MACROD2: variants seen among roughly 807,000 people sequenced by gnomAD.
MACROD2 encodes ADP-ribose glycohydrolase MACROD2.
In MACROD2, 36 loss-of-function variants were observed where a neutral mutation model predicts 70.4. That is an observed-to-expected ratio of 0.51 (90% CI 0.39 to 0.68). The LOEUF (loss-of-function observed/expected upper bound fraction) is 0.68, where lower values mean the gene tolerates loss of function less well. Among genes scored for constraint, MACROD2 ranks in the 30% least tolerant of loss-of-function variants. The pLI, the probability that MACROD2 is intolerant of heterozygous loss-of-function variation, is 0.00. For synonymous variants in MACROD2, 172 were observed against 178.8 expected, an observed-to-expected ratio of 0.96 and a Z score of 0.30; for missense variants, 496 against 538.4, an observed-to-expected ratio of 0.92 and a Z score of 0.78.
intron 5 of MACROD2, among the ~76,000 whole-genome samples, chr20:14,784,191 G>C (rs2072335875): frequency 6.6e-6 from 1 of 152,082 alleles, no homozygotes; most frequent in African/African-American, 2.4e-5. Context: ...TTCTGCTGAT[G>C]CCATTTCCCT....
At chr20:14,117,762 T>A (rs2054533671) in intron 3 of MACROD2, among the ~76,000 whole-genome samples, 1 of 152,228 alleles carries the variant, frequency 6.6e-6, no homozygotes, top group South Asian at 2.1e-4. Flanking sequence ...ACTTGCTCTT[T>A]TTCATTTGGT....
intron 6 of MACROD2, among the ~76,000 whole-genome samples, chr20:15,266,403 G>A (rs995848361): frequency 6.6e-6 from 1 of 152,166 alleles, no homozygotes; most frequent in Non-Finnish European, 1.5e-5. Flanking sequence ...ATGAACTTGT[G>A]TTGACTACCA....
At chr20:15,254,929 C>CTTTTTTTT (rs762538763) in intron 6 of MACROD2, among the ~76,000 whole-genome samples, 1 of 80,548 alleles carries the variant, frequency 1.2e-5, no homozygotes, top group African/African-American at 4.8e-5. Flanking sequence ...CAAAGCACAC[C>CTTTTTTTT]TTTTTTTTTT....
At chr20:14,282,979 C>T (rs1356654430) in intron 3 of MACROD2, among the ~76,000 whole-genome samples, 1 of 152,142 alleles carries the variant, frequency 6.6e-6, no homozygotes, top group Non-Finnish European at 1.5e-5. Flanking sequence ...TCAGAAATCA[C>T]AGTGTCATGT....
chr20:15,602,392 C>A (rs2048834235), intron 8 of MACROD2, among the ~76,000 whole-genome samples: 1 of 152,176 alleles, frequency 6.6e-6, no homozygotes, highest in African/African-American at 2.4e-5. Flanking sequence ...GACTTCAATC[C>A]TCTGCCCAGT....
intron 8 of MACROD2, among the ~76,000 whole-genome samples, chr20:15,694,536 A>C (rs751053268): frequency 6.6e-6 from 1 of 151,792 alleles, no homozygotes; most frequent in African/African-American, 2.4e-5. Context: ...GTCTATTCAT[A>C]TTCTTAGCCC....
intron 1 of MACROD2, among the ~76,000 whole-genome samples, chr20:13,998,790 C>T (rs971836636): frequency 1.3e-5 from 2 of 151,828 alleles, no homozygotes; most frequent in Admixed American, 1.3e-4. Flanking sequence ...CCCGTCTTTA[C>T]TAAAAATACA....
intron 15 of MACROD2, among the ~76,000 whole-genome samples, chr20:16,032,614 G>A (rs1177558599): frequency 2.0e-5 from 3 of 150,280 alleles, no homozygotes; most frequent in South Asian, 2.1e-4. Context: ...AGGAGGGAAG[G>A]AGGGACAAAA....
At chr20:14,501,844 C>T (rs998178202) in intron 4 of MACROD2, among the ~76,000 whole-genome samples, 3 of 152,016 alleles carry the variant, frequency 2.0e-5, no homozygotes, top group Non-Finnish European at 2.9e-5. Context: ...TAAATGATAC[C>T]TAAATGGTTG....
chr20:15,152,030 G>T (rs1297684957), intron 5 of MACROD2, among the ~76,000 whole-genome samples: 3 of 151,938 alleles, frequency 2.0e-5, no homozygotes, highest in Non-Finnish European at 1.5e-5. Flanking sequence ...GTTGCATTGG[G>T]AACAGAGACT....
At chr20:15,841,197 A>C (rs1482332731) in intron 8 of MACROD2, among the ~76,000 whole-genome samples, 1 of 152,188 alleles carries the variant, frequency 6.6e-6, no homozygotes, top group Non-Finnish European at 1.5e-5. Context: ...GGGAAAACAG[A>C]AGGGATGTTA....
intron 3 of MACROD2, among the ~76,000 whole-genome samples, chr20:14,171,364 AT>A (rs1004692164): frequency 6.6e-6 from 1 of 151,440 alleles, no homozygotes; most frequent in African/African-American, 2.4e-5. Flanking sequence ...GATATTTGTT[AT>A]TTCTTTTCTT....
intron 15 of MACROD2, among the ~76,000 whole-genome samples, chr20:16,025,624 G>A (rs1332974666): frequency 1.3e-5 from 2 of 152,060 alleles, no homozygotes; most frequent in Non-Finnish European, 2.9e-5. Context: ...ATGGCGGGTT[G>A]GGGGACATCA....
rs571785506 is a variant in MACROD2, at chr20:14,154,251, G to A, written c.271+68523G>A. ...CCTTTTCTCATTATTCCTGACGAGTGTACTGGGCAGCTTTTGTTGCTGAAT... is the reference window on the plus strand; with the variant it reads ...CCTTTTCTCATTATTCCTGACGAGTATACTGGGCAGCTTTTGTTGCTGAAT... On this transcript the variant is annotated intron_variant, in intron 3 of 17. Transcript: ENST00000684519. Among the ~76,000 whole-genome samples, 7 of 152,196 alleles carry A rather than the reference G, an allele frequency of 4.6e-5. No individual in the cohort carries two copies. The East Asian group carries it at 1.2e-3, about 25-fold the overall frequency.
intron 2 of MACROD2, among the ~76,000 whole-genome samples, chr20:14,070,364 A>T: frequency 6.6e-6 from 1 of 152,014 alleles, no homozygotes; most frequent in Middle Eastern, 3.2e-3. Context: ...CAATGATCAG[A>T]TAGGAGATGG....
intron 10 of MACROD2, among the ~76,000 whole-genome samples, chr20:15,897,346 G>A (rs1601082830): frequency 6.6e-6 from 1 of 151,820 alleles, no homozygotes; most frequent in South Asian, 2.1e-4. Flanking sequence ...ATTACCTTTT[G>A]TGTTCCATAG....
chr20:15,000,915 C>G lies in MACROD2; in HGVS notation c.419-229025C>G, dbSNP rs548856331. On this transcript the variant is annotated intron_variant, in intron 5 of 17. Coordinates refer to ENST00000684519, the MANE Select transcript of MACROD2 (RefSeq NM_001351661.2). ...ATTAATAAAAATATTTTGATTTTGG[C>G]TGTATTTTGATTGCAAATCTGTGTA... Among the ~76,000 whole-genome samples, 78 of 151,794 alleles carry G rather than the reference C, an allele frequency of 5.1e-4. 2 individuals are homozygous for G. Among genetic ancestry groups the G allele is most frequent in the Non-Finnish European group, 3.7e-4 (25 of 67,966 alleles).
chr20:14,136,936 T>C (rs1340631661), intron 3 of MACROD2, among the ~76,000 whole-genome samples: 1 of 152,210 alleles, frequency 6.6e-6, no homozygotes, highest in Admixed American at 6.5e-5. Flanking sequence ...AACATAGCAC[T>C]TAATAGCTAG....
At chr20:15,909,887 T>C (rs2065210306) in intron 10 of MACROD2, among the ~76,000 whole-genome samples, 1 of 152,062 alleles carries the variant, frequency 6.6e-6, no homozygotes, top group Non-Finnish European at 1.5e-5. Context: ...TGGAAATTAC[T>C]AATGGAAAAC....
Sources: gnomAD v4.1 joint callset for allele counts (sites outside exome capture counted in the v4.1 genomes callset) on GRCh38, gnomAD v4.1.1 for gene constraint, MANE v1.5 for transcripts, NCBI Gene and HGNC (gene_info 2026-07-23, HGNC 2026-07-21) for gene names.